Variants in RBFOX3 observed in about 807,000 individuals in gnomAD.
RBFOX3 encodes RNA binding fox-1 homolog 3.
Under a neutral mutation model 48.7 loss-of-function variants are expected in RBFOX3, and 17 were observed. The ratio of observed to expected loss-of-function variants is 0.35; its 90% CI spans 0.24 to 0.52. The LOEUF is 0.52. Among genes scored for constraint, RBFOX3 ranks in the 20% least tolerant of loss-of-function variants. RBFOX3 has a pLI of 0.94. For synonymous variants in RBFOX3, 212 were observed against 209.5 expected, an observed-to-expected ratio of 1.01 and a Z score of -0.10; for missense variants, 382 against 497.5, an observed-to-expected ratio of 0.77 and a Z score of 2.21.
chr17:79,435,643 C>T (rs563388596), intron 2 of RBFOX3, among the ~76,000 whole-genome samples: 2 of 151,078 alleles, frequency 1.3e-5, no homozygotes, highest in Non-Finnish European at 1.5e-5. Flanking sequence ...CGTTGGTCCC[C>T]GGGCTCAGGC....
chr17:79,262,482 T>C lies in RBFOX3; in HGVS notation c.-73-26677A>G, dbSNP rs75717680. Among the ~76,000 whole-genome samples, 1,212 of 152,318 alleles carry C rather than the reference T, an allele frequency of 8.0e-3. 19 individuals carry two copies. The highest frequency in any genetic ancestry group is 0.028 in the African/African-American group (1,152 of 41,582). ...TCTCCTTTGAAGAACAATCGATGGG[T>C]AGATCTCCACTGATCACACAGGGAC... On this transcript the variant is annotated intron_variant, in intron 3 of 14. Coordinates refer to ENST00000693108, the MANE Select transcript of RBFOX3 (RefSeq NM_001350451.2).
intron 3 of RBFOX3, among the ~76,000 whole-genome samples, chr17:79,306,727 A>G (rs537479223): frequency 6.6e-6 from 1 of 152,162 alleles, no homozygotes; most frequent in East Asian, 1.9e-4. Context: ...GGCTGCCCAG[A>G]TACCAACAGC....
intron 4 of RBFOX3, among the ~76,000 whole-genome samples, chr17:79,187,379 G>A (rs2053626221): frequency 6.6e-6 from 1 of 152,224 alleles, no homozygotes; most frequent in African/African-American, 2.4e-5. Context: ...CAGCTTGGCA[G>A]CAGCGCTCCC....
chr17:79,222,315 A>G (rs951052359), intron 4 of RBFOX3, among the ~76,000 whole-genome samples: 11 of 152,158 alleles, frequency 7.2e-5, no homozygotes, highest in African/African-American at 2.2e-4. Flanking sequence ...GAGGCCTAAG[A>G]TCCATCTAAA....
In RBFOX3 at chr17:79,212,081, A is replaced by T. The variant is rs1429768686; in HGVS notation, c.-34+23685T>A. Among the ~76,000 whole-genome samples, 1 of 152,192 alleles carries T rather than the reference A, an allele frequency of 6.6e-6. No individual in the cohort carries two copies. Among genetic ancestry groups the T allele is most frequent in the African/African-American group, 2.4e-5 (1 of 41,450 alleles). ...ACCCTCCCTCCTGGAGTCCCGCTGC[A>T]TTGGGGAAATTGACCAGCGCCCAAA... On this transcript the variant is annotated intron_variant, in intron 4 of 14. Transcript: ENST00000693108. The surrounding 1 kb of genome is among the most constrained non-coding windows in gnomAD (Gnocchi z 4.7).
chr17:79,181,917 T>A (rs1245522509), intron 4 of RBFOX3, among the ~76,000 whole-genome samples: 1 of 151,556 alleles, frequency 6.6e-6, no homozygotes, highest in Non-Finnish European at 1.5e-5. Context: ...TAAGAACCCA[T>A]CACCCAAAGG....
chr17:79,283,788 T>C (rs2071181544), intron 3 of RBFOX3, among the ~76,000 whole-genome samples: 1 of 152,262 alleles, frequency 6.6e-6, no homozygotes, highest in Middle Eastern at 3.2e-3. Context: ...TGTTTCTTTG[T>C]GCTTTGTTGG....
At chr17:79,191,551 G>A (rs1189585332) in intron 4 of RBFOX3, among the ~76,000 whole-genome samples, 1 of 152,250 alleles carries the variant, frequency 6.6e-6, no homozygotes. Flanking sequence ...TCCTGGCAGA[G>A]TGCGTGGCCC....
At chr17:79,504,923 A>T (rs1384695450) in intron 1 of RBFOX3, among the ~76,000 whole-genome samples, 1 of 152,074 alleles carries the variant, frequency 6.6e-6, no homozygotes, top group East Asian at 1.9e-4. Flanking sequence ...AGATCGGTTC[A>T]CTCCCTGGTG....
rs1368744700 is a variant in RBFOX3 at position 79,510,529 on chromosome 17, A to G, written c.-319-27931T>C. The stretch of plus-strand genomic sequence containing the variant: ...GGCACCGTGCCTGCGCAGCCCCTCC[A>G]TCCCAGGCATCCATTAACATTCCCC... On this transcript the variant is annotated intron_variant, in intron 1 of 14. Transcript: ENST00000693108. Among the ~76,000 whole-genome samples, 15 of 152,168 alleles carry G rather than the reference A, an allele frequency of 9.9e-5. 1 individual carries two copies. Among genetic ancestry groups the G allele is most frequent in the Admixed American group, 9.8e-4 (15 of 15,284 alleles).
chr17:79,497,449 A>G (rs1181872598), intron 1 of RBFOX3, among the ~76,000 whole-genome samples: 2 of 152,240 alleles, frequency 1.3e-5, no homozygotes, highest in South Asian at 2.1e-4. Flanking sequence ...TACGTTTGGG[A>G]AAAAAAGCAA....
chr17:79,603,069 C>A (rs2093744439), intron 1 of RBFOX3, among the ~76,000 whole-genome samples: 1 of 149,488 alleles, frequency 6.7e-6, no homozygotes. Context: ...TGGCTCACTG[C>A]AACCTCCACC....
chr17:79,532,207 G>A (rs1339872044), intron 1 of RBFOX3, among the ~76,000 whole-genome samples: 1 of 150,352 alleles, frequency 6.7e-6, no homozygotes, highest in Non-Finnish European at 1.5e-5. Context: ...GGAGGGGGGA[G>A]GGGAGGAGGA....
At chr17:79,593,472 T>C (rs1412660453) in intron 1 of RBFOX3, among the ~76,000 whole-genome samples, 6 of 152,222 alleles carry the variant, frequency 3.9e-5, no homozygotes, top group East Asian at 1.9e-4. Context: ...CCAGGTCACA[T>C]TGCCTTGACA....
At chr17:79,440,373 C>T (rs980453322) in intron 2 of RBFOX3, among the ~76,000 whole-genome samples, 9 of 152,128 alleles carry the variant, frequency 5.9e-5, no homozygotes, top group African/African-American at 2.2e-4. Flanking sequence ...AGGCAGGTAC[C>T]ATCCTCCCCA....
At chr17:79,603,081 C>G (rs937983535) in intron 1 of RBFOX3, among the ~76,000 whole-genome samples, 2 of 151,770 alleles carry the variant, frequency 1.3e-5, no homozygotes, top group African/African-American at 2.4e-5. Flanking sequence ...ACCTCCACCT[C>G]CCAGGTTCAA....
chr17:79,416,290 T>A (rs1306158803), intron 2 of RBFOX3, among the ~76,000 whole-genome samples: 1 of 152,204 alleles, frequency 6.6e-6, no homozygotes, highest in Non-Finnish European at 1.5e-5. Context: ...CAGAGCTCCC[T>A]CCCTCTTCTG....
chr17:79,095,837 C>G (rs897933762), intron 12 of RBFOX3, among the ~76,000 whole-genome samples: 2 of 152,238 alleles, frequency 1.3e-5, no homozygotes, highest in Non-Finnish European at 2.9e-5. Context: ...CCACTCCATT[C>G]ATTCACTCAT....
intron 4 of RBFOX3, among the ~76,000 whole-genome samples, chr17:79,160,080 G>T (rs565003824): frequency 6.6e-6 from 1 of 152,244 alleles, no homozygotes; most frequent in Admixed American, 6.5e-5. Flanking sequence ...GGAACGCTCC[G>T]CTCGAGTAGT....
Sources: gnomAD v4.1 joint callset for allele counts (sites outside exome capture counted in the v4.1 genomes callset) on GRCh38, gnomAD v4.1.1 for gene constraint, Gnocchi (gnomAD v3.1) non-coding constraint, MANE v1.5 for transcripts, NCBI Gene and HGNC (gene_info 2026-07-23, HGNC 2026-07-21) for gene names.